The following ATP13A4 variants were observed in gnomAD, a reference collection of about 807,000 sequenced individuals.
ATP13A4 encodes the protein probable cation-transporting ATPase 13A4.
In ATP13A4, 114 loss-of-function variants were observed where a neutral mutation model predicts 142.5. That is an observed-to-expected ratio of 0.80 (90% CI 0.69 to 0.93). The LOEUF (loss-of-function observed/expected upper bound fraction) is 0.93. Among genes scored for constraint, ATP13A4 ranks in the 40% least tolerant of loss-of-function variants. The pLI is 0.00. For synonymous variants in ATP13A4, 488 were observed against 514.8 expected (o/e 0.95, Z 0.70); for missense variants, 1,392 against 1,454.0 (o/e 0.96, Z 0.69).
At chr3:193,490,471 A>T (rs763711379) in intron 6 of ATP13A4, among the ~76,000 whole-genome samples, 1 of 152,238 alleles carries the variant, frequency 6.6e-6, no homozygotes, top group East Asian at 1.9e-4. Context: ...GCATGTTCTC[A>T]TAAGTAGAGA....
At chr3:193,453,631 A>T (rs1292852658) in intron 17 of ATP13A4, among the ~76,000 whole-genome samples, 1 of 152,148 alleles carries the variant, frequency 6.6e-6, no homozygotes, top group Non-Finnish European at 1.5e-5. Context: ...TGTCACCAAG[A>T]TTATATCATC....
At chr3:193,435,535 T>C (rs1716216067) in intron 24 of ATP13A4, 113 bp downstream of exon 24, 12 of 879,156 alleles carry the variant, frequency 1.4e-5, no homozygotes, top group South Asian at 2.6e-5. Flanking sequence ...GGAGGGGCTG[T>C]TGTTGTTCAG....
At chr3:193,527,636 T>A (rs966198011) in intron 1 of ATP13A4, among the ~76,000 whole-genome samples, 1 of 149,958 alleles carries the variant, frequency 6.7e-6, no homozygotes, top group Non-Finnish European at 1.5e-5. Context: ...AGGGCAGCAC[T>A]TCCCCCCTCC....
In ATP13A4 at chr3:193,436,961, G is replaced by T. The variant is rs535544018; in HGVS notation, c.2673-1217C>A. Among the ~76,000 whole-genome samples, 15 of 148,594 alleles carry T rather than the reference G, an allele frequency of 1.0e-4. 1 individual carries two copies. The South Asian group carries it at 1.7e-3, about 17-fold the overall frequency. On this transcript the variant is annotated intron_variant, in intron 23 of 29. Transcript: ENST00000342695. ...CTACTAAAAATGCAAAAAATTAGCC[G>T]GGCGTGGTGGCGGGCGCCTGTAGTC...
rs968241485 is a variant in ATP13A4 at position 193,576,254 on chromosome 3, T to G, written n.291+5453A>C. On this transcript the variant is annotated intron_variant and non_coding_transcript_variant, in intron 2 of 3. Coordinates refer to the ATP13A4 transcript ENST00000489140. Reference sequence around the variant, plus strand: ...GGAATGTGGCTTGAATCAATCTTTTTTTTTTTTTTTTTTTTTTTTTTTTTT... The same window carrying G: ...GGAATGTGGCTTGAATCAATCTTTTGTTTTTTTTTTTTTTTTTTTTTTTTT... Among the ~76,000 whole-genome samples, 6 of 99,710 alleles carry G rather than the reference T, an allele frequency of 6.0e-5. No individual in the cohort carries two copies. In the East Asian group the frequency reaches 1.8e-3, roughly 29 times the overall value. The allele number at this position is 99,710 out of a possible 152,430, so 65.4% of individuals were successfully genotyped here. A position where few individuals can be genotyped will look rare whatever the true frequency, so the allele number is the denominator to read the frequency against.
intron 1 of ATP13A4, among the ~76,000 whole-genome samples, chr3:193,537,321 A>G (rs775925189): frequency 1.9e-4 from 29 of 152,154 alleles, no homozygotes; most frequent in Non-Finnish European, 4.0e-4. Context: ...TTTGACACAT[A>G]CGCAAAAGCA....
At chr3:193,503,973 G>A (rs568886821) in intron 2 of ATP13A4, among the ~76,000 whole-genome samples, 4 of 150,066 alleles carry the variant, frequency 2.7e-5, no homozygotes, top group Non-Finnish European at 5.9e-5. Context: ...CTTCAGCCAG[G>A]CTTAGCACAG....
At chr3:193,506,125 G>A (rs774328498) in intron 2 of ATP13A4, among the ~76,000 whole-genome samples, 1 of 152,148 alleles carries the variant, frequency 6.6e-6, no homozygotes, top group African/African-American at 2.4e-5. Context: ...AACTCTAAAA[G>A]TCTCTCAATT....
intron 7 of ATP13A4, among the ~76,000 whole-genome samples, chr3:193,488,784 G>C (rs1719781088): frequency 6.6e-6 from 1 of 152,170 alleles, no homozygotes. Flanking sequence ...AAATTGTTTT[G>C]TTTGTTTGAG....
intron 16 of ATP13A4, among the ~76,000 whole-genome samples, chr3:193,455,431 A>C (rs1717552403): frequency 6.6e-6 from 1 of 152,192 alleles, no homozygotes; most frequent in Non-Finnish European, 1.5e-5. Flanking sequence ...ACACACACAC[A>C]AAAGCTCAAC....
chr3:193,464,088 CA>C (rs1718121852), intron 12 of ATP13A4, among the ~76,000 whole-genome samples: 1 of 152,206 alleles, frequency 6.6e-6, no homozygotes, highest in Admixed American at 6.5e-5. Flanking sequence ...TATTTTACCA[CA>C]TTTAAAAAGT....
chr3:193,418,065 T>G (rs13088679), intron 25 of ATP13A4, among the ~76,000 whole-genome samples: 53,276 of 111,574 alleles, frequency 0.48, 15,095 homozygotes, highest in Non-Finnish European at 0.61. Flanking sequence ...GAGCTTGCAG[T>G]GAGCCGAGAT....
chr3:193,582,084 CATATATAT>C lies in ATP13A4; in HGVS notation n.92-186_92-179del, dbSNP rs71912541. On this transcript the variant is annotated intron_variant and non_coding_transcript_variant, in intron 1 of 3. Coordinates refer to the ATP13A4 transcript ENST00000489140. ...TTACTAAAATACCTGAAAAGACTTC[CATATATAT>C]ATATATATATATATATAATATACAC... Among the ~76,000 whole-genome samples, 4 of 43,576 alleles carry C rather than the reference CATATATAT, an allele frequency of 9.2e-5. No homozygotes were observed. In the East Asian group the frequency reaches 1.6e-3, roughly 17 times the overall value. The allele number at this position is 43,576 out of a possible 152,430, so 28.6% of individuals were successfully genotyped here.
At chr3:193,478,189 C>G (rs1560217165) in intron 8 of ATP13A4, among the ~76,000 whole-genome samples, 1 of 151,766 alleles carries the variant, frequency 6.6e-6, no homozygotes, top group Non-Finnish European at 1.5e-5. Context: ...CACAAATAGA[C>G]AATCTCAGGT....
rs775844870 is a variant in ATP13A4 at position 193,465,070 on chromosome 3, G to A, written c.1331C>T (p.Pro444Leu). 71 of 1,613,982 alleles carry A rather than the reference G, an allele frequency of 4.4e-5. No individual in the cohort carries two copies. The highest frequency in any genetic ancestry group is 1.6e-4 in the Middle Eastern group (1 of 6,066). Reference protein sequence around the residue: ...ALDVITIAVPPALPAALTTGI... With the variant: ...ALDVITIAVPLALPAALTTGI... ...TGTGGTCAGAGCAGCAGGTAGAGCC[G>A]GAGGAACCGCAATTGTGATGACGTC... is the stretch of plus-strand genomic sequence containing the variant. The change falls in exon 12 of 30, where the codon CCG (proline) becomes CTG (leucine). Residue 444 changes from proline to leucine, a missense_variant. By Grantham distance (98) the Pro-to-Leu change is moderately conservative (BLOSUM62 -3). Coordinates refer to ENST00000342695, the MANE Select transcript of ATP13A4 (RefSeq NM_032279.4).
In ATP13A4 at chr3:193,467,500, G is replaced by T. The variant is rs770619773; in HGVS notation, c.944-14C>A. 8.1e-6 allele frequency: 13 copies of T among 1,612,326 alleles called. No individual in the cohort carries two copies. The Admixed American group carries it at 1.8e-4, about 23-fold the overall frequency. The stretch of plus-strand genomic sequence containing the variant: ...GAATACTTTCTCCTACAGAAAACAA[G>T]CATCTTGTTTTGTGAGGCAGGATGG... On this transcript the variant is annotated splice_polypyrimidine_tract_variant and intron_variant, in intron 9 of 29. Coordinates refer to ENST00000342695, the MANE Select transcript of ATP13A4 (RefSeq NM_032279.4).
At chr3:193,486,947 A>G (rs1719664000) in intron 7 of ATP13A4, among the ~76,000 whole-genome samples, 1 of 152,186 alleles carries the variant, frequency 6.6e-6, no homozygotes, top group Non-Finnish European at 1.5e-5. Context: ...TTGCCTAAAA[A>G]CTTTTTTGGA....
At chr3:193,411,123 T>A (rs1714744518) in intron 27 of ATP13A4, 53 bp from the exon 28 acceptor site, 1 of 1,180,414 alleles carries the variant, frequency 8.5e-7, no homozygotes, top group Non-Finnish European at 1.3e-6. Flanking sequence ...GTGAAAAATG[T>A]CACATATATT....
chr3:193,497,242 T>C (rs1720293964), intron 3 of ATP13A4, among the ~76,000 whole-genome samples: 1 of 152,088 alleles, frequency 6.6e-6, no homozygotes, highest in African/African-American at 2.4e-5. Flanking sequence ...AACTATTTGA[T>C]AGAAAATGGG....
Sources: gnomAD v4.1 joint callset for allele counts (sites outside exome capture counted in the v4.1 genomes callset) on GRCh38, gnomAD v4.1.1 for gene constraint, MANE v1.5 for transcripts, NCBI Gene and HGNC (gene_info 2026-07-23, HGNC 2026-07-21) for gene names.